CCDC180: variants seen among roughly 807,000 people sequenced by gnomAD.
CCDC180 encodes coiled-coil domain containing 180.
In CCDC180, 154 loss-of-function variants were observed where a neutral mutation model predicts 209.2. The observed-to-expected ratio is 0.74, with a 90% CI of 0.65 to 0.84. The LOEUF is 0.84. Ranked by LOEUF, CCDC180 falls within the 40% of genes least tolerant of loss-of-function variation. The pLI, the probability that CCDC180 is intolerant of heterozygous loss-of-function variation, is 0.00. For synonymous variants in CCDC180, 778 were observed against 749.1 expected, an observed-to-expected ratio of 1.04 and a Z score of -0.63; for missense variants, 1,874 against 1,997.3, an observed-to-expected ratio of 0.94 and a Z score of 1.18.
At chr9:97,337,402 C>G (rs1034141268) in intron 18 of CCDC180, among the ~76,000 whole-genome samples, 29 of 152,180 alleles carry the variant, frequency 1.9e-4, no homozygotes, top group African/African-American at 7.0e-4. Context: ...AAGGCCTTTT[C>G]TGCATCTATT....
Position 97,313,356 on chromosome 9 carries a change from TC to T in CCDC180, c.459+14del. ...GCGCAGGTGGGAAAGGTGAGAATCC[TC>T]CCTCTCCCTTCTCTTCCCTTCCTGT... On this transcript the variant is annotated intron_variant, in intron 5 of 36. Coordinates refer to ENST00000529487, the MANE Select transcript of CCDC180 (RefSeq NM_020893.6). 6.4e-6 allele frequency: 10 copies of T among 1,574,134 alleles called. No homozygotes were observed. The African/African-American group carries it at 8.1e-5, about 13-fold the overall frequency.
Position 97,371,671 on chromosome 9 carries a change from A to G in CCDC180, c.4565A>G (p.Asp1522Gly). 1 of 1,606,222 alleles carries G rather than the reference A, an allele frequency of 6.2e-7. No homozygotes were observed. Residue 1522 changes from aspartate to glycine, a missense_variant, in exon 34 of 37, where the codon GAT (aspartate) becomes GGT (glycine). Coordinates refer to ENST00000529487, the MANE Select transcript of CCDC180 (RefSeq NM_020893.6). Reference protein sequence around the residue: ...TFTEKFLLQLDEVVTIDDVQV... With the variant: ...TFTEKFLLQLGEVVTIDDVQV... ...ACCGAGAAGTTCCTACTGCAGTTGGATGAGGTGGTCACCATTGACGATGTC... is the reference window on the plus strand; with the variant it reads ...ACCGAGAAGTTCCTACTGCAGTTGGGTGAGGTGGTCACCATTGACGATGTC...
chr9:97,310,851 T>G (rs1832961599), intron 3 of CCDC180, among the ~76,000 whole-genome samples: 1 of 152,162 alleles, frequency 6.6e-6, no homozygotes, highest in South Asian at 2.1e-4. Context: ...AGGTCAGTGT[T>G]CTCTAGCCCA....
chr9:97,347,541 G>A (rs771019737), intron 20 of CCDC180, 52 bp downstream of exon 20: 87 of 1,503,674 alleles, frequency 5.8e-5, no homozygotes, highest in Non-Finnish European at 7.0e-5. Context: ...CTCCTTCAGC[G>A]TCTGCTCCAC....
At chr9:97,318,401 C>G (rs1411525308) in intron 9 of CCDC180, 62 bp from the exon 10 acceptor site, 1 of 1,587,806 alleles carries the variant, frequency 6.3e-7, no homozygotes, top group Non-Finnish European at 8.6e-7. Flanking sequence ...TTCTCTTTCC[C>G]TCTCTCACTC....
At chr9:97,349,315 C>G (rs1360277911) in intron 21 of CCDC180, 24 bp downstream of exon 21, 1 of 1,526,122 alleles carries the variant, frequency 6.6e-7, no homozygotes, top group African/African-American at 1.4e-5. Context: ...GGAGTCTCCA[C>G]CCCAGCCATG....
intron 35 of CCDC180, among the ~76,000 whole-genome samples, chr9:97,374,892 G>T (rs3747489): frequency 0.51 from 77,413 of 152,114 alleles, 20,341 homozygotes; most frequent in African/African-American, 0.6. Flanking sequence ...AGCTATTAGT[G>T]CACATGATAA....
rs3747507 is a variant in CCDC180 at position 97,309,446 on chromosome 9, G to A, written c.102G>A (p.Arg34=). 331,331 of 1,600,674 alleles carry A rather than the reference G, an allele frequency of 0.21. 37,050 individuals carry two copies. The highest frequency in any genetic ancestry group is 0.38 in the Admixed American group (22,295 of 57,912). ...VQLVHSLAAT[R]KRAAERSVTL... ...TGGTCCACTCCCTGGCGGCCACCAG[G>A]AAGCGGGCTGCAGAGCGTTCTGTGA... is the stretch of plus-strand genomic sequence containing the variant. Residue 34 remains arginine (R), a synonymous_variant, in exon 3 of 37, where the codon AGG becomes AGA. Transcript: ENST00000529487.
chr9:97,324,049 C>A, intron 13 of CCDC180, 146 bp downstream of exon 13: 2 of 958,612 alleles, frequency 2.1e-6, no homozygotes, highest in Non-Finnish European at 1.5e-6. Context: ...CAGAGTAGCC[C>A]CCTTACGCTG....
chr9:97,314,837 C>T lies in CCDC180; in HGVS notation c.700-14C>T. 6.2e-7 allele frequency: 1 copy of T among 1,611,310 alleles called. No homozygotes were observed. Among genetic ancestry groups the T allele is most frequent in the Admixed American group, 1.7e-5 (1 of 60,016 alleles). On this transcript the variant is annotated splice_polypyrimidine_tract_variant and intron_variant, in intron 7 of 36. Transcript: ENST00000529487. ...GGAAGTGAGCCACTAAGTATGGTGCCTTGTCATTTCTAGCTAAAAAGCGTG... is the reference window on the plus strand; with the variant it reads ...GGAAGTGAGCCACTAAGTATGGTGCTTTGTCATTTCTAGCTAAAAAGCGTG...
chr9:97,371,715 C>A lies in CCDC180; in HGVS notation c.4600+9C>A. On this transcript the variant is annotated intron_variant, in intron 34 of 36. Transcript: ENST00000529487. The stretch of plus-strand genomic sequence containing the variant: ...CGATGTCCAGGTTGCAAGTAAGAGG[C>A]ACCACCAGCCTTGTGTCATGGCCCT... 3.2e-6 allele frequency: 5 copies of A among 1,562,190 alleles called. No individual in the cohort carries two copies. The highest frequency in any genetic ancestry group is 4.4e-6 in the Non-Finnish European group (5 of 1,137,442).
At chr9:97,339,084 C>T (rs1169174037) in intron 18 of CCDC180, among the ~76,000 whole-genome samples, 1 of 152,154 alleles carries the variant, frequency 6.6e-6, no homozygotes, top group East Asian at 1.9e-4. Context: ...CTGAATACAG[C>T]ACACTGATGG....
chr9:97,339,617 C>T (rs977753422), intron 18 of CCDC180, among the ~76,000 whole-genome samples: 1 of 152,108 alleles, frequency 6.6e-6, no homozygotes, highest in African/African-American at 2.4e-5. Context: ...AACCTTGGTG[C>T]ATCTGACAAT....
chr9:97,374,477 A>G, intron 34 of CCDC180, 66 bp from the exon 35 acceptor site: 1 of 1,266,818 alleles, frequency 7.9e-7, no homozygotes, highest in Non-Finnish European at 1.1e-6. Context: ...GTGTAATGCC[A>G]GGGGAAATCC....
chr9:97,366,524 A>G lies in CCDC180; in HGVS notation c.4048-35A>G, dbSNP rs2117938100. On this transcript the variant is annotated intron_variant, in intron 30 of 36. Transcript: ENST00000529487. The surrounding 1 kb of genome is among the most constrained non-coding windows in gnomAD (Gnocchi z 4.3). ...AGGAGCAAGGGCCAGAGTCCCATGG[A>G]GTCCTCACCCGCACATGGTCACCCT... 2.5e-6 allele frequency: 4 copies of G among 1,607,656 alleles called. No homozygotes were observed. Among genetic ancestry groups the G allele is most frequent in the Non-Finnish European group, 3.4e-6 (4 of 1,176,714 alleles).
At position 97,377,332 on chromosome 9, in the gene CCDC180, C is replaced by G. The variant is rs1419581328; in HGVS notation, c.*438C>G. ...TTCCTAGACCCAACAAATAACTAAT[C>G]CAATGTTGATTGGTATTTGTGCCAC... On this transcript the variant is annotated 3_prime_UTR_variant, in exon 37 of 37. Coordinates refer to ENST00000529487, the MANE Select transcript of CCDC180 (RefSeq NM_020893.6). 6.5e-6 allele frequency: 1 copy of G among 153,206 alleles called. No homozygotes were observed. Among genetic ancestry groups the G allele is most frequent in the Admixed American group, 6.5e-5 (1 of 15,486 alleles). 9.5% of individuals were successfully genotyped at this position (153,206 alleles called of 1,614,324 possible).
At chr9:97,334,338 T>G (rs1231445706) in intron 18 of CCDC180, among the ~76,000 whole-genome samples, 6 of 152,212 alleles carry the variant, frequency 3.9e-5, no homozygotes, top group African/African-American at 1.4e-4. Flanking sequence ...TTTGTGGACT[T>G]TACATGGATT....
chr9:97,317,857 T>C lies in CCDC180; in HGVS notation c.960-606T>C, dbSNP rs571913965. Among the ~76,000 whole-genome samples the C allele has an allele frequency of 3.3e-5, 5 of 152,318 alleles. No homozygotes were observed. The East Asian group carries it at 9.7e-4, about 30-fold the overall frequency. On this transcript the variant is annotated intron_variant, in intron 9 of 36. Coordinates refer to ENST00000529487, the MANE Select transcript of CCDC180 (RefSeq NM_020893.6). ...TTCCTATGCAAAACAGGCATCCTAA[T>C]GGACCTGTGACAGAGTTTCAGTGAT...
In CCDC180 at chr9:97,307,980, C is replaced by G; in HGVS notation, c.-81-3C>G. Reference sequence around the variant, plus strand: ...TTTGGGACGGGCGATTTCCCAACCTCAGGAATTGGAATTGAGACACCAAAG... The same window carrying G: ...TTTGGGACGGGCGATTTCCCAACCTGAGGAATTGGAATTGAGACACCAAAG... On this transcript the variant is annotated splice_polypyrimidine_tract_variant and splice_region_variant and intron_variant, in intron 1 of 36. Coordinates refer to ENST00000529487, the MANE Select transcript of CCDC180 (RefSeq NM_020893.6). 3 of 1,590,048 alleles carry G rather than the reference C, an allele frequency of 1.9e-6. No homozygotes were observed. The highest frequency in any genetic ancestry group is 1.7e-6 in the Non-Finnish European group (2 of 1,167,168).
Sources: allele counts gnomAD v4.1 joint callset (sites outside exome capture counted in the v4.1 genomes callset), GRCh38; gene constraint gnomAD v4.1.1; non-coding constraint Gnocchi (gnomAD v3.1); transcripts MANE v1.5; gene names NCBI Gene and HGNC (gene_info 2026-07-23, HGNC 2026-07-21).